SRGAP3: variants seen among roughly 807,000 people sequenced by gnomAD.
The protein encoded by SRGAP3 is SLIT-ROBO Rho GTPase activating protein 3.
A neutral mutation model predicts 121.1 loss-of-function variants in SRGAP3; 39 were observed. That is an observed-to-expected ratio of 0.32 (90% CI 0.25 to 0.42). The LOEUF (loss-of-function observed/expected upper bound fraction) is 0.42, where lower values mean the gene tolerates loss of function less well. Among genes scored for constraint, SRGAP3 ranks in the 10% least tolerant of loss-of-function variants. The probability of loss-of-function intolerance (pLI) is 1.00; values close to 1 mark genes in which losing one functional copy is unlikely to be tolerated. For missense variants in SRGAP3, 1,213 were observed against 1,470.6 expected, an observed-to-expected ratio of 0.82 and a Z score of 2.86; for synonymous variants, 601 against 570.0, an observed-to-expected ratio of 1.05 and a Z score of -0.77.
At chr3:9,099,488 G>C (rs1423095254) in intron 3 of SRGAP3, among the ~76,000 whole-genome samples, 1 of 152,270 alleles carries the variant, frequency 6.6e-6, no homozygotes, top group African/African-American at 2.4e-5. Context: ...GCGGGGAGCA[G>C]GAGAGCAAGT....
At chr3:9,275,765 C>A (rs1019082504) in intron 3 of SRGAP3, among the ~76,000 whole-genome samples, 3 of 152,184 alleles carry the variant, frequency 2.0e-5, no homozygotes, top group Non-Finnish European at 4.4e-5. Flanking sequence ...TGAGTCCATT[C>A]AACCTCTTTT....
chr3:9,013,928 A>C, intron 15 of SRGAP3, 86 bp from the exon 16 acceptor site: 2 of 1,248,770 alleles, frequency 1.6e-6, no homozygotes, highest in Non-Finnish European at 2.3e-6. Context: ...TCCTATATCA[A>C]CCCACGTGGA....
intron 10 of SRGAP3, among the ~76,000 whole-genome samples, chr3:9,045,691 T>A (rs573986373): frequency 6.6e-6 from 1 of 152,332 alleles, no homozygotes; most frequent in African/African-American, 2.4e-5. Flanking sequence ...AGCTCCACTA[T>A]GCTTCTGCAC....
chr3:9,359,641 C>T (rs928847206), intron 1 of SRGAP3, among the ~76,000 whole-genome samples: 1 of 152,166 alleles, frequency 6.6e-6, no homozygotes, highest in African/African-American at 2.4e-5. Context: ...GCCTTACGAC[C>T]ACAATCAGAT....
In SRGAP3 at chr3:9,259,260, C is replaced by G. The variant is rs375732637; in HGVS notation, n.442+66750G>C. 1.2e-4 allele frequency among the ~76,000 whole-genome samples: 18 copies of G among 152,076 alleles called. 1 individual carries two copies. In the South Asian group the frequency reaches 1.7e-3, roughly 14 times the overall value. On this transcript the variant is annotated intron_variant and non_coding_transcript_variant, in intron 3 of 3. Transcript: ENST00000490889. ...CATTTGAAGTTATCTTATTTACCTA[C>G]TTTGGTGGGGAGTGGGTAATTTTTT...
At chr3:9,230,114 A>G (rs1266524637) in intron 1 of SRGAP3, among the ~76,000 whole-genome samples, 1 of 152,232 alleles carries the variant, frequency 6.6e-6, no homozygotes, top group East Asian at 1.9e-4. Context: ...TATTAATAAC[A>G]ATCGGTGACG....
intron 12 of SRGAP3, among the ~76,000 whole-genome samples, chr3:9,028,936 TCAGGGGAGCG>T (rs1353502915): frequency 1.3e-5 from 2 of 152,192 alleles, no homozygotes; most frequent in Non-Finnish European, 2.9e-5. Flanking sequence ...ATGCCCATTT[TCAGGGGAGCG>T]CCATCGGCTC....
At position 9,216,424 on chromosome 3, in the gene SRGAP3, C is replaced by T. The variant is rs192131603; in HGVS notation, c.67+32461G>A. Among the ~76,000 whole-genome samples the T allele has an allele frequency of 5.3e-5, 8 of 152,350 alleles. No individual in the cohort carries two copies. In the East Asian group the frequency reaches 1.5e-3, roughly 29 times the overall value. ...CAGTGAAGAACTGCCCCACCCAAAA[C>T]ACCCTGTGGAGCAGCCACAGCCCGG... On this transcript the variant is annotated intron_variant, in intron 1 of 21. Transcript: ENST00000383836.
intron 3 of SRGAP3, among the ~76,000 whole-genome samples, chr3:9,256,411 C>T (rs1216649740): frequency 6.6e-6 from 1 of 152,234 alleles, no homozygotes; most frequent in East Asian, 1.9e-4. Context: ...ATATCTCCCA[C>T]TGTAGAGGAG....
At chr3:9,186,153 A>G (rs1312012326) in intron 1 of SRGAP3, among the ~76,000 whole-genome samples, 1 of 152,134 alleles carries the variant, frequency 6.6e-6, no homozygotes, top group Non-Finnish European at 1.5e-5. Context: ...AGAGCACCAC[A>G]TTGTCTCAAA....
At chr3:9,027,236 C>G (rs1019607282) in intron 12 of SRGAP3, among the ~76,000 whole-genome samples, 1 of 152,220 alleles carries the variant, frequency 6.6e-6, no homozygotes, top group Non-Finnish European at 1.5e-5. Context: ...TCTTACCCAA[C>G]TGGAAAGGAA....
At chr3:9,212,896 G>A (rs1338884899) in intron 1 of SRGAP3, among the ~76,000 whole-genome samples, 2 of 152,168 alleles carry the variant, frequency 1.3e-5, no homozygotes, top group African/African-American at 4.8e-5. Context: ...AGAGCCTCCC[G>A]GGAAACCAGG....
At chr3:9,201,367 A>T (rs1361747470) in intron 1 of SRGAP3, among the ~76,000 whole-genome samples, 1 of 152,214 alleles carries the variant, frequency 6.6e-6, no homozygotes, top group African/African-American at 2.4e-5. Context: ...GCCAAGGCAG[A>T]TGTTCAGCCA....
At chr3:9,090,499 C>G (rs1947708666) in intron 3 of SRGAP3, among the ~76,000 whole-genome samples, 1 of 151,718 alleles carries the variant, frequency 6.6e-6, no homozygotes, top group Middle Eastern at 3.2e-3. Flanking sequence ...AAATCATTTC[C>G]TTTGCCATGA....
chr3:9,211,278 C>T (rs148627106), intron 1 of SRGAP3, among the ~76,000 whole-genome samples: 113 of 152,324 alleles, frequency 7.4e-4, no homozygotes, highest in Middle Eastern at 6.8e-3. Context: ...GAAGATACCA[C>T]ATCTGGTCAC....
At chr3:9,259,056 C>T (rs1384489033) in intron 3 of SRGAP3, among the ~76,000 whole-genome samples, 2 of 152,232 alleles carry the variant, frequency 1.3e-5, no homozygotes, top group Non-Finnish European at 2.9e-5. Context: ...TTGCTCCCTA[C>T]TCCGGGCCAT....
chr3:9,118,408 A>G (rs568903835), intron 2 of SRGAP3, among the ~76,000 whole-genome samples: 7 of 152,226 alleles, frequency 4.6e-5, no homozygotes, highest in African/African-American at 1.7e-4. Context: ...CACCTACCCC[A>G]AGAGGCAGGT....
rs749854693 is a variant in SRGAP3 at position 8,990,653 on chromosome 3, C to T, written c.2745G>A (p.Ala915=). 5.4e-5 allele frequency: 87 copies of T among 1,613,528 alleles called. No individual in the cohort carries two copies. In the East Asian group the frequency reaches 1.0e-3, roughly 19 times the overall value. Reference sequence around the variant, plus strand: ...TGATGCTGCCAGCGCTCCCGAACGTCGCCATCCTCCGCTTCTCAGGGCTCT... The same window carrying T: ...TGATGCTGCCAGCGCTCCCGAACGTTGCCATCCTCCGCTTCTCAGGGCTCT... ...RIESPEKRRM[A]TFGSAGSINY... is the part of the protein sequence containing the mutation. The change falls in exon 21 of 22, where the codon GCG becomes GCA. Residue 915 remains alanine (A), a synonymous_variant. Coordinates refer to ENST00000383836, the MANE Select transcript of SRGAP3 (RefSeq NM_014850.4).
In SRGAP3 at chr3:8,985,117, TAC is replaced by T. The variant is rs898399877; in HGVS notation, c.*400_*401del. On this transcript the variant is annotated 3_prime_UTR_variant, in exon 22 of 22. Transcript: ENST00000383836. The surrounding 1 kb of genome is among the most constrained non-coding windows in gnomAD (Gnocchi z 5.1). ...AAATATATATATATATACACACACC[TAC>T]AGACACGTACATACGTATACATGTG... is the stretch of plus-strand genomic sequence containing the variant. 7.1e-6 allele frequency: 2 copies of T among 281,766 alleles called. No homozygotes were observed. The highest frequency in any genetic ancestry group is 2.2e-5 in the African/African-American group (1 of 45,680). 17.5% of individuals were successfully genotyped at this position (281,766 alleles called of 1,614,324 possible). A position where few individuals can be genotyped will look rare whatever the true frequency, so the allele number is the denominator to read the frequency against.
Sources: allele counts gnomAD v4.1 joint callset (sites outside exome capture counted in the v4.1 genomes callset), GRCh38; gene constraint gnomAD v4.1.1; non-coding constraint Gnocchi (gnomAD v3.1); transcripts MANE v1.5; gene names NCBI Gene and HGNC (gene_info 2026-07-23, HGNC 2026-07-21).